TCOF1: variants seen among roughly 807,000 people sequenced by gnomAD.
The protein encoded by TCOF1 is treacle protein.
Under a neutral mutation model 149.0 loss-of-function variants are expected in TCOF1, and 33 were observed. That is an observed-to-expected ratio of 0.22 (90% confidence interval 0.17 to 0.30). The LOEUF is 0.30. Ranked by LOEUF, TCOF1 falls within the 10% of genes least tolerant of loss-of-function variation. The pLI, the probability that TCOF1 is intolerant of heterozygous loss-of-function variation, is 1.00. For synonymous variants in TCOF1, 789 were observed against 738.8 expected (o/e 1.07, Z -1.10); for missense variants, 1,728 against 1,840.7 (o/e 0.94, Z 1.12).
In TCOF1 at chr5:150,375,082, G is replaced by A; in HGVS notation, c.1407G>A (p.Gly469=). 1 of 1,614,188 alleles carries A rather than the reference G, an allele frequency of 6.2e-7. No homozygotes were observed. Among genetic ancestry groups the A allele is most frequent in the Non-Finnish European group, 8.5e-7 (1 of 1,180,028 alleles). The change falls in exon 10 of 27, where the codon GGG becomes GGA. Residue 469 remains glycine (G), a synonymous_variant. Transcript: ENST00000643257. ...TGPAAAQVQV[G]KQEEDSRSSS... is the part of the protein sequence containing the mutation. ...CTGCAGCCGCCCAGGTCCAGGTGGG[G>A]AAGCAGGAGGAGGACTCAAGAAGCA... is the stretch of plus-strand genomic sequence containing the variant.
At chr5:150,379,864 G>A in intron 17 of TCOF1, 132 bp downstream of exon 17, 1 of 1,146,528 alleles carries the variant, frequency 8.7e-7, no homozygotes, top group Non-Finnish European at 1.3e-6. Context: ...TTGAGGTCAG[G>A]GGTTCAAGAC....
chr5:150,379,928 T>C lies in TCOF1; in HGVS notation c.2859+196T>C, dbSNP rs1764706956. Reference sequence around the variant, plus strand: ...CTCTACTAAAAATATAAAAATTAGCTGGGCATGGTGGCGGGTGCCTGTAAT... The same window carrying C: ...CTCTACTAAAAATATAAAAATTAGCCGGGCATGGTGGCGGGTGCCTGTAAT... On this transcript the variant is annotated intron_variant, in intron 17 of 26. Coordinates refer to ENST00000643257, the MANE Select transcript of TCOF1 (RefSeq NM_001371623.1). The C allele has an allele frequency of 1.5e-5, 9 of 600,260 alleles. No individual in the cohort carries two copies. The South Asian group carries it at 1.6e-4, about 10-fold the overall frequency. 37.2% of individuals were successfully genotyped at this position (600,260 alleles called of 1,614,324 possible). A position where few individuals can be genotyped will look rare whatever the true frequency, so the allele number is the denominator to read the frequency against.
In TCOF1 at chr5:150,391,993, C is replaced by T. The variant is rs1376516200; in HGVS notation, c.3334C>T (p.Pro1112Ser). 6.2e-7 allele frequency: 1 copy of T among 1,614,194 alleles called. No homozygotes were observed. ...SAVGTLPATS[P>S]QSTSVQAKGT... ...TGTGGGAACACTCCCTGCAACAAGT[C>T]CCCAGAGCACCTCCGTCCAGGCCAA... The change falls in exon 21 of 27, where the codon CCC becomes TCC. Residue 1112 changes from proline to serine, a missense_variant. Transcript: ENST00000643257.
intron 22 of TCOF1, 78 bp from the exon 23 acceptor site, chr5:150,393,294 A>C (rs1767801516): frequency 1.3e-6 from 2 of 1,589,006 alleles, no homozygotes; most frequent in African/African-American, 2.7e-5. Context: ...TGCTTTCCTC[A>C]CAGCAGGCCA....
At chr5:150,378,821 C>T in intron 14 of TCOF1, 84 bp from the exon 15 acceptor site, 1 of 1,598,238 alleles carries the variant, frequency 6.3e-7, no homozygotes, top group Non-Finnish European at 8.6e-7. Context: ...CAGACTCGGG[C>T]TCCAGCTCCA....
chr5:150,377,681 C>G (rs1276873561), intron 14 of TCOF1, among the ~76,000 whole-genome samples: 2 of 152,052 alleles, frequency 1.3e-5, no homozygotes, highest in African/African-American at 4.8e-5. Context: ...CTGCAGGGGC[C>G]CCTTCCAGAG....
At chr5:150,398,715 C>T (rs1439464239) in intron 25 of TCOF1, among the ~76,000 whole-genome samples, 1 of 152,236 alleles carries the variant, frequency 6.6e-6, no homozygotes, top group African/African-American at 2.4e-5. Flanking sequence ...TAGACTGTGG[C>T]AGGTTTCCAG....
chr5:150,358,812 G>T (rs1051748016), intron 1 of TCOF1, among the ~76,000 whole-genome samples: 1 of 152,116 alleles, frequency 6.6e-6, no homozygotes, highest in African/African-American at 2.4e-5. Flanking sequence ...ACTCCAGCCT[G>T]GGCGATAAAG....
At chr5:150,377,583 C>T (rs1214822104) in intron 14 of TCOF1, among the ~76,000 whole-genome samples, 3 of 152,276 alleles carry the variant, frequency 2.0e-5, no homozygotes, top group African/African-American at 7.2e-5. Context: ...TACCAGAGCA[C>T]ACATTTCTAC....
intron 20 of TCOF1, 102 bp from the exon 21 acceptor site, chr5:150,391,855 C>A: frequency 8.1e-7 from 1 of 1,230,752 alleles, no homozygotes; most frequent in Non-Finnish European, 1.2e-6. Context: ...TGCATGTGTG[C>A]CCCATCTAAC....
chr5:150,374,913 C>G lies in TCOF1; in HGVS notation c.1279-41C>G, dbSNP rs1171201106. 7 of 1,613,740 alleles carry G rather than the reference C, an allele frequency of 4.3e-6. No homozygotes were observed. The African/African-American group carries it at 8.0e-5, about 18-fold the overall frequency. On this transcript the variant is annotated intron_variant, in intron 9 of 26. Transcript: ENST00000643257. The stretch of plus-strand genomic sequence containing the variant: ...ACATCCAGCTCCTGTCTCCACACGT[C>G]CACCCTCTGGGCTCTCCCCTCATCC...
At chr5:150,399,170 A>G in intron 26 of TCOF1, 100 bp downstream of exon 26, 1 of 1,522,722 alleles carries the variant, frequency 6.6e-7, no homozygotes, top group Non-Finnish European at 9.1e-7. Context: ...GTGGGCTCTA[A>G]GGGGAAAGGA....
intron 19 of TCOF1, 28 bp from the exon 20 acceptor site, chr5:150,391,516 T>C (rs766203101): frequency 2.5e-6 from 4 of 1,591,716 alleles, no homozygotes. Flanking sequence ...GACTTGTGAG[T>C]CTGAGGGCTA....
At chr5:150,383,227 C>G in intron 17 of TCOF1, 2 of 1,464,246 alleles carry the variant, frequency 1.4e-6, no homozygotes, top group Non-Finnish European at 1.8e-6. Context: ...GGCTGGCAGG[C>G]CTTGCAGGAG....
In TCOF1 at chr5:150,387,938, C is replaced by T; in HGVS notation, c.2896C>T (p.Arg966Cys). ...KPPLIFVDPN[R>C]SPAGPAATPA... ...CCCTCTGATTTTTGTCGACCCTAATCGTAGTCCAGCTGGCCCAGCTGCTAC... is the reference window on the plus strand; with the variant it reads ...CCCTCTGATTTTTGTCGACCCTAATTGTAGTCCAGCTGGCCCAGCTGCTAC... The change falls in exon 18 of 27, where the codon CGT becomes TGT. Residue 966 changes from arginine to cysteine, a missense_variant. Transcript: ENST00000643257. 1 of 1,613,954 alleles carries T rather than the reference C, an allele frequency of 6.2e-7. No homozygotes were observed. Among genetic ancestry groups the T allele is most frequent in the Non-Finnish European group, 8.5e-7 (1 of 1,180,016 alleles).
In TCOF1 at chr5:150,372,124, A is replaced by G. The variant is rs1278429785; in HGVS notation, c.758A>G (p.Lys253Arg). 3 of 1,614,124 alleles carry G rather than the reference A, an allele frequency of 1.9e-6. No homozygotes were observed. Among genetic ancestry groups the G allele is most frequent in the African/African-American group, 2.7e-5 (2 of 74,946 alleles). ...GKVGDVTPQV[K>R]GGALPPAKRA... The stretch of plus-strand genomic sequence containing the variant: ...GTGGGGGATGTGACACCCCAGGTCA[A>G]AGGAGGGGCCCTGCCCCCAGCCAAG... Residue 253 changes from lysine (K) to arginine (R), a missense_variant, in exon 7 of 27, where the codon AAA (lysine) becomes AGA (arginine). This residue lies in a region of TCOF1 where 1,696 missense variants were observed against 1,765.4 expected (regional missense o/e 0.96). Transcript: ENST00000643257.
intron 25 of TCOF1, 50 bp from the exon 26 acceptor site, chr5:150,398,972 G>T (rs768907629): frequency 3.1e-6 from 5 of 1,613,948 alleles, no homozygotes; most frequent in Non-Finnish European, 8.5e-7. Context: ...GCAGCAGTGG[G>T]TGGGGAAAAG....
intron 9 of TCOF1, 60 bp downstream of exon 9, chr5:150,374,871 G>T: frequency 6.2e-7 from 1 of 1,610,060 alleles, no homozygotes; most frequent in Non-Finnish European, 8.5e-7. Flanking sequence ...ACCTGCATGG[G>T]TGTGGCCACC....
chr5:150,375,681 C>T (rs774057047), intron 11 of TCOF1, 40 bp from the exon 12 acceptor site: 7 of 1,613,942 alleles, frequency 4.3e-6, no homozygotes, highest in Non-Finnish European at 5.9e-6. Context: ...CACACACCTA[C>T]CCTGGGCTCC....
Sources: gnomAD v4.1 joint callset for allele counts (sites outside exome capture counted in the v4.1 genomes callset) on GRCh38, gnomAD v4.1.1 for gene constraint, gnomAD v4.1.1 regional missense constraint, MANE v1.5 for transcripts, NCBI Gene and HGNC (gene_info 2026-07-23, HGNC 2026-07-21) for gene names.